The following LUZP2 variants were observed in gnomAD, a reference collection of about 807,000 sequenced individuals.
The protein encoded by LUZP2 is leucine zipper protein 2.
LUZP2 carries 52 observed loss-of-function variants against 51.6 expected under a neutral mutation model. The observed-to-expected ratio is 1.01, with a 90% CI of 0.81 to 1.27. The LOEUF is 1.27. LUZP2 is among the 50% of genes most tolerant of loss of function. The pLI, the probability that LUZP2 is intolerant of heterozygous loss-of-function variation, is 0.00. For missense variants in LUZP2, 436 were observed against 395.4 expected (o/e 1.10, Z -0.87); for synonymous variants, 154 against 137.3 (o/e 1.12, Z -0.85).
At chr11:25,001,197 A>G (rs563523071) in intron 9 of LUZP2, among the ~76,000 whole-genome samples, 14 of 152,308 alleles carry the variant, frequency 9.2e-5, no homozygotes, top group Admixed American at 3.3e-4. Flanking sequence ...CATTCAGTCC[A>G]TATTAACTGA....
chr11:24,853,368 T>C (rs1448108399), intron 5 of LUZP2, among the ~76,000 whole-genome samples: 1 of 151,810 alleles, frequency 6.6e-6, no homozygotes, highest in Non-Finnish European at 1.5e-5. Context: ...CTTCATTAAG[T>C]TGATCTTCAA....
intron 1 of LUZP2, among the ~76,000 whole-genome samples, chr11:24,610,228 C>T (rs1286487011): frequency 1.3e-5 from 2 of 152,184 alleles, no homozygotes; most frequent in African/African-American, 2.4e-5. Context: ...CAAATAGTGA[C>T]ATTCATCAGT....
At chr11:25,069,314 T>G (rs1859087068) in intron 10 of LUZP2, among the ~76,000 whole-genome samples, 1 of 151,992 alleles carries the variant, frequency 6.6e-6, no homozygotes, top group South Asian at 2.1e-4. Flanking sequence ...GCAGATCTGT[T>G]GATCTTGTTG....
At chr11:24,997,536 T>C (rs1308289520) in intron 9 of LUZP2, among the ~76,000 whole-genome samples, 1 of 152,164 alleles carries the variant, frequency 6.6e-6, no homozygotes, top group Non-Finnish European at 1.5e-5. Context: ...GTCAGATGAG[T>C]AGGTTGCGAA....
At chr11:24,795,259 ACT>A (rs1849516351) in intron 5 of LUZP2, among the ~76,000 whole-genome samples, 1 of 151,880 alleles carries the variant, frequency 6.6e-6, no homozygotes, top group Non-Finnish European at 1.5e-5. Flanking sequence ...CTTCAGAAAC[ACT>A]CTTTTTTCCT....
At chr11:24,660,911 G>C (rs1448411766) in intron 1 of LUZP2, among the ~76,000 whole-genome samples, 1 of 152,076 alleles carries the variant, frequency 6.6e-6, no homozygotes, top group Non-Finnish European at 1.5e-5. Flanking sequence ...ATGTTTGGGA[G>C]GTGTGGGTCA....
chr11:24,671,973 A>C (rs1856414696), intron 1 of LUZP2, among the ~76,000 whole-genome samples: 1 of 152,078 alleles, frequency 6.6e-6, no homozygotes, highest in South Asian at 2.1e-4. Context: ...CCATGCATAG[A>C]GCTTATTAAT....
At chr11:25,003,026 C>T (rs1376225926) in intron 9 of LUZP2, among the ~76,000 whole-genome samples, 4 of 152,152 alleles carry the variant, frequency 2.6e-5, no homozygotes, top group Non-Finnish European at 4.4e-5. Context: ...TCATTCCTTA[C>T]GGAGGGCCCT....
At chr11:24,510,512 A>G (rs1390126814) in intron 1 of LUZP2, among the ~76,000 whole-genome samples, 1 of 152,192 alleles carries the variant, frequency 6.6e-6, no homozygotes, top group Non-Finnish European at 1.5e-5. Flanking sequence ...ATATAAATTT[A>G]GTTCTCTCAC....
rs555255247 is a variant in LUZP2 at position 25,006,904 on chromosome 11, G to A, written c.765+23611G>A. Among the ~76,000 whole-genome samples, 142 of 152,286 alleles carry A rather than the reference G, an allele frequency of 9.3e-4. 2 individuals are homozygous for A. In the South Asian group the frequency reaches 0.024, roughly 26 times the overall value. ...CCACAGCGTGGAAAGGGACCCAAGC[G>A]GGTTGCTGCTGCTGGCTTGCTTGGC... is the stretch of plus-strand genomic sequence containing the variant. On this transcript the variant is annotated intron_variant, in intron 9 of 11. Coordinates refer to ENST00000336930, the MANE Select transcript of LUZP2 (RefSeq NM_001009909.4).
intron 7 of LUZP2, among the ~76,000 whole-genome samples, chr11:24,963,430 T>G (rs926137035): frequency 6.6e-6 from 1 of 152,180 alleles, no homozygotes; most frequent in Admixed American, 6.5e-5. Context: ...AGTTCGAGCT[T>G]CCCGGCTGCT....
intron 5 of LUZP2, among the ~76,000 whole-genome samples, chr11:24,825,787 G>A (rs1417097714): frequency 6.6e-6 from 1 of 151,942 alleles, no homozygotes; most frequent in Admixed American, 6.6e-5. Flanking sequence ...AATGGGATCA[G>A]TATTTTGGAA....
chr11:24,764,209 G>A (rs1185016379), intron 5 of LUZP2, among the ~76,000 whole-genome samples: 2 of 152,120 alleles, frequency 1.3e-5, no homozygotes, highest in Non-Finnish European at 2.9e-5. Context: ...ACGTGCGTGG[G>A]CGCGTACACA....
At chr11:24,962,464 C>A (rs1855442500) in intron 7 of LUZP2, among the ~76,000 whole-genome samples, 1 of 152,126 alleles carries the variant, frequency 6.6e-6, no homozygotes. Flanking sequence ...TTGTTCATTT[C>A]TTTTTATTCT....
At chr11:25,077,445 T>C (rs1005171599) in intron 11 of LUZP2, 39 bp downstream of exon 11, 1 of 1,080,628 alleles carries the variant, frequency 9.3e-7, no homozygotes, top group African/African-American at 1.6e-5. Flanking sequence ...CAAAAAGCAT[T>C]TATTGGATCC....
At chr11:24,664,823 C>T (rs958633674) in intron 1 of LUZP2, among the ~76,000 whole-genome samples, 2 of 148,820 alleles carry the variant, frequency 1.3e-5, no homozygotes, top group African/African-American at 4.9e-5. Flanking sequence ...TATGGAAATG[C>T]CTGGATGTCC....
intron 5 of LUZP2, among the ~76,000 whole-genome samples, chr11:24,866,848 C>T (rs1275582849): frequency 6.6e-6 from 1 of 152,188 alleles, no homozygotes; most frequent in South Asian, 2.1e-4. Context: ...AATCATCAGG[C>T]TTGGGAAATA....
At chr11:24,890,517 C>G (rs1044426444) in intron 5 of LUZP2, among the ~76,000 whole-genome samples, 2 of 152,114 alleles carry the variant, frequency 1.3e-5, no homozygotes, top group African/African-American at 4.8e-5. Flanking sequence ...TGACTATAAT[C>G]AATCTTGTAG....
At position 25,030,927 on chromosome 11, in the gene LUZP2, T is replaced by TA. The variant is rs1857639670; in HGVS notation, c.766-19110dup. ...TATAATATATATTGTATTATATATA[T>TA]ATAATATATATTATATATATTATAT... On this transcript the variant is annotated intron_variant, in intron 9 of 11. Transcript: ENST00000336930. Among the ~76,000 whole-genome samples the TA allele has an allele frequency of 2.4e-3, 20 of 8,402 alleles. 1 individual carries two copies. The highest frequency in any genetic ancestry group is 0.013 in the African/African-American group (19 of 1,488). The allele number at this position is 8,402 out of a possible 152,430, so 5.5% of individuals were successfully genotyped here.
Sources: gnomAD v4.1 joint callset for allele counts (sites outside exome capture counted in the v4.1 genomes callset) on GRCh38, gnomAD v4.1.1 for gene constraint, MANE v1.5 for transcripts, NCBI Gene and HGNC (gene_info 2026-07-23, HGNC 2026-07-21) for gene names.